ANKRD36C: variants seen among roughly 807,000 people sequenced by gnomAD.
ANKRD36C encodes ankyrin repeat domain-containing protein 36C.
Under a neutral mutation model 276.4 loss-of-function variants are expected in ANKRD36C, and 61 were observed. That is an observed-to-expected ratio of 0.22 (90% confidence interval 0.18 to 0.27). ANKRD36C has a LOEUF of 0.27. ANKRD36C is among the 10% of genes least tolerant of loss of function. The probability of loss-of-function intolerance (pLI) is 1.00; values close to 1 mark genes in which losing one functional copy is unlikely to be tolerated. For synonymous variants in ANKRD36C, 483 were observed against 680.1 expected, an observed-to-expected ratio of 0.71 and a Z score of 4.51; for missense variants, 1,447 against 2,032.3, an observed-to-expected ratio of 0.71 and a Z score of 5.54.
chr2:95,973,284 T>G (rs183265312), intron 6 of ANKRD36C, among the ~76,000 whole-genome samples: 90 of 151,934 alleles, frequency 5.9e-4, no homozygotes, highest in Admixed American at 9.2e-4. Context: ...TGGTGGTGCA[T>G]GCCTGTAGTC....
chr2:95,917,218 A>G (rs889272628), intron 36 of ANKRD36C, among the ~76,000 whole-genome samples: 9 of 151,618 alleles, frequency 5.9e-5, no homozygotes, highest in Admixed American at 5.9e-4. Flanking sequence ...CTTTATCCCA[A>G]TTCTAGCATT....
intron 42 of ANKRD36C, among the ~76,000 whole-genome samples, chr2:95,908,115 T>C (rs1676796908): frequency 6.6e-6 from 1 of 150,630 alleles, no homozygotes; most frequent in Non-Finnish European, 1.5e-5. Context: ...CTACGGGTTG[T>C]TACAACAAGC....
At chr2:95,960,754 A>G in intron 8 of ANKRD36C, 87 bp from the exon 9 acceptor site, 1 of 626,400 alleles carries the variant, frequency 1.6e-6, no homozygotes, top group Non-Finnish European at 2.7e-6. Context: ...ATCAAGCTGT[A>G]TCCTCCTGCC....
chr2:95,911,804 A>T (rs1035098865), intron 42 of ANKRD36C, among the ~76,000 whole-genome samples: 4 of 151,454 alleles, frequency 2.6e-5, no homozygotes, highest in Admixed American at 2.6e-4. Context: ...TCATTCGGAA[A>T]TTAATTGCTA....
In ANKRD36C at chr2:95,890,358, CAT is replaced by C. The variant is rs796700797; in HGVS notation, c.2858-366_2858-365del. Among the ~76,000 whole-genome samples, 7 of 151,498 alleles carry C rather than the reference CAT, an allele frequency of 4.6e-5. No homozygotes were observed. In the South Asian group the frequency reaches 1.4e-3, roughly 31 times the overall value. ...TCAAAGCAGGTGCTACAGGATCCCACATGTGTTTCATGTAAGAAATCAAAGGA... is the reference window on the plus strand; with the variant it reads ...TCAAAGCAGGTGCTACAGGATCCCACGTGTTTCATGTAAGAAATCAAAGGA... On this transcript the variant is annotated intron_variant, in intron 46 of 66. Coordinates refer to ENST00000456556, the Ensembl canonical transcript of ANKRD36C.
chr2:95,929,447 T>C (rs1430284603), intron 24 of ANKRD36C, among the ~76,000 whole-genome samples, 180 bp from the exon 25 acceptor site: 3 of 151,358 alleles, frequency 2.0e-5, no homozygotes, highest in South Asian at 4.2e-4. Flanking sequence ...CTGAAGAAAA[T>C]AGGAATACAG....
At chr2:95,981,946 AAAT>A (rs1678931756) in intron 4 of ANKRD36C, among the ~76,000 whole-genome samples, 1 of 152,210 alleles carries the variant, frequency 6.6e-6, no homozygotes, top group African/African-American at 2.4e-5. Context: ...ATTACATTGT[AAAT>A]AACACCACAT....
chr2:95,929,176 T>C (rs199914667), intron 25 of ANKRD36C, 32 bp from the exon 26 acceptor site: 5 of 1,599,398 alleles, frequency 3.1e-6, no homozygotes, highest in Middle Eastern at 1.7e-4. Flanking sequence ...ATAATCAATA[T>C]GTAAAGTAGG....
intron 31 of ANKRD36C, 38 bp from the exon 32 acceptor site, chr2:95,923,605 T>C (rs766173873): frequency 2.0e-4 from 326 of 1,608,450 alleles, no homozygotes; most frequent in Non-Finnish European, 2.7e-4. Flanking sequence ...ATAAAGAAAG[T>C]ATGTTTCATG....
intron 5 of ANKRD36C, among the ~76,000 whole-genome samples, chr2:95,978,980 G>C (rs1270813525): frequency 1.3e-5 from 2 of 152,030 alleles, no homozygotes; most frequent in Non-Finnish European, 2.9e-5. Context: ...TTGCTAGAAT[G>C]ATGGTTCATC....
intron 1 of ANKRD36C, among the ~76,000 whole-genome samples, chr2:95,989,860 A>T (rs891586756): frequency 2.6e-5 from 4 of 152,194 alleles, no homozygotes; most frequent in Non-Finnish European, 4.4e-5. Flanking sequence ...TCCTCCCAGG[A>T]ACACTAAATA....
Position 95,980,588 on chromosome 2 carries a change from T to C in ANKRD36C, c.731+60A>G. ...TCTCACCTGATATATAAGATGCAAT[T>C]GCTACAATTATTTTAAACTTCAATT... On this transcript the variant is annotated intron_variant, in intron 5 of 66. Coordinates refer to ENST00000456556, the Ensembl canonical transcript of ANKRD36C. 1.9e-6 allele frequency: 3 copies of C among 1,561,864 alleles called. No homozygotes were observed. In the South Asian group the frequency reaches 3.6e-5, roughly 18 times the overall value.
intron 30 of ANKRD36C, among the ~76,000 whole-genome samples, chr2:95,924,623 T>A (rs1310403176): frequency 6.6e-6 from 1 of 151,688 alleles, no homozygotes; most frequent in African/African-American, 2.4e-5. Flanking sequence ...GCTAATATAG[T>A]CGTATTAAAT....
exon 5 of ANKRD36C, chr2:95,980,672 T>A: frequency 6.2e-7 from 1 of 1,612,766 alleles, no homozygotes; most frequent in African/African-American, 1.3e-5. Flanking sequence ...CTCGCTGGCA[T>A]AATCTTCTGC....
chr2:95,977,690 G>A (rs1398027264), intron 6 of ANKRD36C, among the ~76,000 whole-genome samples: 1 of 151,956 alleles, frequency 6.6e-6, no homozygotes, highest in Non-Finnish European at 1.5e-5. Context: ...AACAGCATGG[G>A]GATTGGCAGC....
intron 8 of ANKRD36C, among the ~76,000 whole-genome samples, chr2:95,961,736 C>G (rs1239343514): frequency 3.3e-5 from 5 of 152,004 alleles, no homozygotes; most frequent in Non-Finnish European, 7.4e-5. Flanking sequence ...TTCTAGCAAT[C>G]TAGCCTGCTT....
At chr2:95,919,158 GCA>G (rs1677197873) in intron 34 of ANKRD36C, among the ~76,000 whole-genome samples, 1 of 134,540 alleles carries the variant, frequency 7.4e-6, no homozygotes, top group African/African-American at 2.5e-5. Context: ...TATTTTTTAA[GCA>G]CATATTCCAA....
intron 28 of ANKRD36C, among the ~76,000 whole-genome samples, chr2:95,925,822 A>G (rs542896286): frequency 6.6e-6 from 1 of 151,766 alleles, no homozygotes; most frequent in East Asian, 1.9e-4. Context: ...CAATGTGGAT[A>G]TGCCGAATGA....
At chr2:95,963,337 T>C (rs1458579907) in intron 6 of ANKRD36C, among the ~76,000 whole-genome samples, 1 of 152,078 alleles carries the variant, frequency 6.6e-6, no homozygotes, top group Non-Finnish European at 1.5e-5. Flanking sequence ...ATGACTCCAA[T>C]ATTCATTGAA....
Sources: gnomAD v4.1 joint callset for allele counts (sites outside exome capture counted in the v4.1 genomes callset) on GRCh38, gnomAD v4.1.1 for gene constraint, MANE v1.5 for transcripts, NCBI Gene and HGNC (gene_info 2026-07-23, HGNC 2026-07-21) for gene names.